ARHGAP26: variants seen among roughly 807,000 people sequenced by gnomAD.
ARHGAP26 encodes the protein rho GTPase-activating protein 26.
Under a neutral mutation model 104.8 loss-of-function variants are expected in ARHGAP26, and 38 were observed. The observed-to-expected ratio is 0.36, with a 90% CI of 0.28 to 0.48. ARHGAP26 has a LOEUF of 0.48. ARHGAP26 is among the 20% of genes least tolerant of loss of function. ARHGAP26 has a pLI of 0.99. For missense variants in ARHGAP26, 704 were observed against 947.9 expected, an observed-to-expected ratio of 0.74 and a Z score of 3.38; for synonymous variants, 341 against 340.0, an observed-to-expected ratio of 1.00 and a Z score of -0.03.
chr5:142,967,015 T>C (rs1275819952), intron 11 of ARHGAP26, among the ~76,000 whole-genome samples: 1 of 152,200 alleles, frequency 6.6e-6, no homozygotes, highest in Non-Finnish European at 1.5e-5. Flanking sequence ...ATTGTACATA[T>C]GTATATGATA....
In ARHGAP26 at chr5:143,134,808, G is replaced by T. The variant is rs548616250; in HGVS notation, c.1837+703G>T. ...CTCCATTTGCTCATCTGTAAAATAG[G>T]GATAATAGGACCCACTCATAGGAAG... On this transcript the variant is annotated intron_variant, in intron 19 of 22. Transcript: ENST00000645722. Among the ~76,000 whole-genome samples the T allele has an allele frequency of 1.1e-4, 17 of 152,288 alleles. No homozygotes were observed. In the South Asian group the frequency reaches 3.5e-3, roughly 32 times the overall value.
At chr5:143,170,361 C>T (rs1216461833) in intron 20 of ARHGAP26, 3 of 152,142 alleles carry the variant, frequency 2.0e-5, no homozygotes, top group African/African-American at 4.8e-5. Flanking sequence ...CAGCATCCAC[C>T]TCACGAGCTT....
intron 9 of ARHGAP26, among the ~76,000 whole-genome samples, chr5:142,911,863 T>A (rs1290630595): frequency 6.6e-6 from 1 of 152,228 alleles, no homozygotes; most frequent in African/African-American, 2.4e-5. Context: ...AAAGAGCAGT[T>A]CTGTCTGAGA....
At chr5:143,073,192 C>G (rs1007179161) in intron 17 of ARHGAP26, among the ~76,000 whole-genome samples, 4 of 152,134 alleles carry the variant, frequency 2.6e-5, no homozygotes, top group Non-Finnish European at 5.9e-5. Context: ...TCCTAATAAA[C>G]TAATCCATAA....
At chr5:142,771,347 G>C (rs1755152596) in intron 1 of ARHGAP26, 1 of 1,231,992 alleles carries the variant, frequency 8.1e-7, no homozygotes, top group South Asian at 4.1e-5. Context: ...GTGCCCTGCC[G>C]AGGGGGCGCT....
intron 19 of ARHGAP26, among the ~76,000 whole-genome samples, chr5:143,140,430 A>G (rs999832542): frequency 2.6e-5 from 4 of 152,286 alleles, no homozygotes; most frequent in East Asian, 1.9e-4. Context: ...TGTAAAATCT[A>G]TCACTAATAA....
chr5:143,033,459 C>T (rs1477658843), intron 12 of ARHGAP26, among the ~76,000 whole-genome samples: 1 of 152,160 alleles, frequency 6.6e-6, no homozygotes, highest in East Asian at 1.9e-4. Flanking sequence ...GAAAAGGATG[C>T]ACTTCCTACA....
intron 1 of ARHGAP26, among the ~76,000 whole-genome samples, chr5:142,796,573 T>C (rs187458377): frequency 6.6e-6 from 1 of 152,366 alleles, no homozygotes; most frequent in African/African-American, 2.4e-5. Flanking sequence ...CTGCTTTCAC[T>C]AAAACAGTTC....
intron 1 of ARHGAP26, among the ~76,000 whole-genome samples, chr5:142,852,754 A>G (rs73799006): frequency 0.016 from 2,400 of 152,300 alleles, 66 homozygotes; most frequent in African/African-American, 0.054. Context: ...CTCTGTCATC[A>G]TGATAACATG....
intron 20 of ARHGAP26, among the ~76,000 whole-genome samples, chr5:143,148,812 T>C (rs1799458264): frequency 6.6e-6 from 1 of 152,134 alleles, no homozygotes; most frequent in African/African-American, 2.4e-5. Context: ...CTTCAGTTGG[T>C]TTAATTTTCT....
chr5:143,052,040 G>C (rs949119475), intron 14 of ARHGAP26, among the ~76,000 whole-genome samples: 7 of 152,172 alleles, frequency 4.6e-5, no homozygotes, highest in African/African-American at 1.4e-4. Context: ...AAGCCATTCA[G>C]GGAGTGCAAG....
chr5:143,079,367 T>C (rs1789486260), intron 17 of ARHGAP26, among the ~76,000 whole-genome samples: 1 of 152,178 alleles, frequency 6.6e-6, no homozygotes, highest in Non-Finnish European at 1.5e-5. Context: ...TCCAGCGTCC[T>C]CTATGTGTCT....
chr5:142,803,013 G>A (rs951378393), intron 1 of ARHGAP26, among the ~76,000 whole-genome samples: 2 of 152,156 alleles, frequency 1.3e-5, no homozygotes, highest in Non-Finnish European at 2.9e-5. Context: ...GTGTAGTGGC[G>A]GGGAGATACC....
In ARHGAP26 at chr5:142,820,608, T is replaced by C. The variant is rs371982570; in HGVS notation, c.154+49693T>C. Among the ~76,000 whole-genome samples, 52 of 152,156 alleles carry C rather than the reference T, an allele frequency of 3.4e-4. 2 individuals carry two copies. In the East Asian group the frequency reaches 7.3e-3, roughly 21 times the overall value. On this transcript the variant is annotated intron_variant, in intron 1 of 22. Coordinates refer to ENST00000645722, the MANE Select transcript of ARHGAP26 (RefSeq NM_001135608.3). ...CAGCATGGTTCTCAAACAGCAGGGG[T>C]GTATCTGTGCAGCAGTGGGATGGGC...
At chr5:143,062,394 T>A (rs187536331) in intron 17 of ARHGAP26, among the ~76,000 whole-genome samples, 7 of 152,356 alleles carry the variant, frequency 4.6e-5, no homozygotes, top group Admixed American at 3.9e-4. Flanking sequence ...TGGACAAAAT[T>A]CTGTAGATCA....
intron 17 of ARHGAP26, among the ~76,000 whole-genome samples, chr5:143,088,374 T>C (rs574762755): frequency 1.3e-5 from 2 of 152,180 alleles, no homozygotes; most frequent in South Asian, 4.1e-4. Flanking sequence ...TACAGGTGAG[T>C]AGATGATGGT....
chr5:142,927,813 T>C (rs962996620), intron 10 of ARHGAP26, among the ~76,000 whole-genome samples: 13 of 152,212 alleles, frequency 8.5e-5, no homozygotes, highest in African/African-American at 3.1e-4. Context: ...CTCTACATTT[T>C]TTGCCAGTAT....
chr5:142,994,667 A>G (rs772159831), intron 11 of ARHGAP26, among the ~76,000 whole-genome samples: 8 of 152,232 alleles, frequency 5.3e-5, no homozygotes, highest in Non-Finnish European at 1.0e-4. Flanking sequence ...GAGTGAAAAG[A>G]CAGGACTTAG....
At position 143,120,981 on chromosome 5, in the gene ARHGAP26, C is replaced by T. The variant is rs1214078918; in HGVS notation, c.1539-7C>T. 4 of 1,610,140 alleles carry T rather than the reference C, an allele frequency of 2.5e-6. No homozygotes were observed. Among genetic ancestry groups the T allele is most frequent in the Admixed American group, 1.7e-5 (1 of 59,596 alleles). On this transcript the variant is annotated splice_polypyrimidine_tract_variant and splice_region_variant and intron_variant, in intron 17 of 22. Coordinates refer to ENST00000645722, the MANE Select transcript of ARHGAP26 (RefSeq NM_001135608.3). Reference sequence around the variant, plus strand: ...TCATTGGTACCTTTTCTTTTCCTTCCTCCCAGTGTTGCTAACAACCACAAG... The same window carrying T: ...TCATTGGTACCTTTTCTTTTCCTTCTTCCCAGTGTTGCTAACAACCACAAG...
Sources: gnomAD v4.1 joint callset for allele counts (sites outside exome capture counted in the v4.1 genomes callset) on GRCh38, gnomAD v4.1.1 for gene constraint, MANE v1.5 for transcripts, NCBI Gene and HGNC (gene_info 2026-07-23, HGNC 2026-07-21) for gene names.